The following DCLK2 variants were observed in gnomAD, a reference collection of about 807,000 sequenced individuals.
DCLK2 encodes serine/threonine-protein kinase DCLK2.
A neutral mutation model predicts 78.4 loss-of-function variants in DCLK2; 31 were observed. The observed-to-expected ratio is 0.40, with a 90% CI of 0.30 to 0.53. The LOEUF (loss-of-function observed/expected upper bound fraction) is 0.53. Among genes scored for constraint, DCLK2 ranks in the 20% least tolerant of loss-of-function variants. The pLI is 0.61. For synonymous variants in DCLK2, 407 were observed against 374.9 expected, an observed-to-expected ratio of 1.09 and a Z score of -0.99; for missense variants, 872 against 973.7, an observed-to-expected ratio of 0.90 and a Z score of 1.39.
chr4:150,225,109 T>A (rs1580751033), intron 8 of DCLK2, among the ~76,000 whole-genome samples: 1 of 152,188 alleles, frequency 6.6e-6, no homozygotes, highest in African/African-American at 2.4e-5. Context: ...CCCTCAGTCT[T>A]AGGAGGAGGT....
At chr4:150,172,040 A>G (rs1220351060) in intron 2 of DCLK2, among the ~76,000 whole-genome samples, 1 of 152,174 alleles carries the variant, frequency 6.6e-6, no homozygotes, top group Non-Finnish European at 1.5e-5. Context: ...AGAGATTGTC[A>G]GTTTGTTCAA....
chr4:150,173,803 A>G (rs7692551), intron 2 of DCLK2, among the ~76,000 whole-genome samples: 144,012 of 152,148 alleles, frequency 0.95, 68,255 homozygotes, highest in Middle Eastern at 0.99. Context: ...GTTGGGAGAG[A>G]AAAGAGAGCC....
chr4:150,143,487 A>T (rs955862917), intron 2 of DCLK2, among the ~76,000 whole-genome samples: 1 of 152,184 alleles, frequency 6.6e-6, no homozygotes, highest in Non-Finnish European at 1.5e-5. Flanking sequence ...CTACTTTAAT[A>T]AATAATTACA....
chr4:150,223,347 C>A (rs530801654), intron 7 of DCLK2, among the ~76,000 whole-genome samples: 1 of 152,338 alleles, frequency 6.6e-6, no homozygotes, highest in East Asian at 1.9e-4. Context: ...CTTGAGATAA[C>A]AAGTGTATTC....
intron 1 of DCLK2, among the ~76,000 whole-genome samples, chr4:150,098,698 C>CTTT (rs59616581): frequency 3.1e-5 from 4 of 129,100 alleles, no homozygotes; most frequent in Admixed American, 7.9e-5. Context: ...TTTTCTTTTT[C>CTTT]TTTTTTTTTT....
rs1277327064 is a variant in DCLK2 at position 150,114,480 on chromosome 4, G to T, written c.756+11668G>T. ...CACTTAGATACTTTTCTTCATCGTGGTATTTTTTTATAGGCCCTGTGAGTT... is the reference window on the plus strand; with the variant it reads ...CACTTAGATACTTTTCTTCATCGTGTTATTTTTTTATAGGCCCTGTGAGTT... On this transcript the variant is annotated intron_variant, in intron 2 of 15. Coordinates refer to ENST00000296550, the MANE Select transcript of DCLK2 (RefSeq NM_001040260.4). Among the ~76,000 whole-genome samples the T allele has an allele frequency of 2.0e-5, 3 of 152,202 alleles. No individual in the cohort carries two copies. In the East Asian group the frequency reaches 5.8e-4, roughly 29 times the overall value.
chr4:150,144,314 C>G (rs1199000064), intron 2 of DCLK2, among the ~76,000 whole-genome samples: 4 of 152,030 alleles, frequency 2.6e-5, no homozygotes, highest in African/African-American at 9.7e-5. Flanking sequence ...AGCCAATTTC[C>G]CCAGTACCAT....
intron 12 of DCLK2, among the ~76,000 whole-genome samples, chr4:150,244,415 G>A (rs1743151855): frequency 6.6e-6 from 1 of 152,188 alleles, no homozygotes; most frequent in South Asian, 2.1e-4. Context: ...CACACAAAAT[G>A]CTCCAAGTGG....
At chr4:150,167,538 C>T (rs1435530361) in intron 2 of DCLK2, among the ~76,000 whole-genome samples, 3 of 152,174 alleles carry the variant, frequency 2.0e-5, no homozygotes, top group African/African-American at 4.8e-5. Flanking sequence ...GAGAGGGGCT[C>T]ATTCAATGCA....
chr4:150,093,698 A>T (rs532709454), intron 1 of DCLK2, among the ~76,000 whole-genome samples: 62 of 152,318 alleles, frequency 4.1e-4, no homozygotes, highest in African/African-American at 1.4e-3. Flanking sequence ...TTTTTTACAG[A>T]AATAGAAAAA....
chr4:150,101,107 T>G (rs1378703708), intron 1 of DCLK2, among the ~76,000 whole-genome samples: 1 of 151,888 alleles, frequency 6.6e-6, no homozygotes, highest in Non-Finnish European at 1.5e-5. Context: ...CACAAAAATT[T>G]AGCCAGGCAT....
At chr4:150,203,616 T>TTG (rs1739615281) in intron 4 of DCLK2, among the ~76,000 whole-genome samples, 179 bp from the exon 5 acceptor site, 1 of 151,588 alleles carries the variant, frequency 6.6e-6, no homozygotes, top group Non-Finnish European at 1.5e-5. Context: ...TTTTTTTTTT[T>TTG]GTCTGTAATG....
At chr4:150,223,743 C>CAATAAATA (rs59076501) in intron 7 of DCLK2, among the ~76,000 whole-genome samples, 19,332 of 146,788 alleles carry the variant, frequency 0.13, 1,910 homozygotes, top group South Asian at 0.49. Flanking sequence ...GACTCTCTCT[C>CAATAAATA]AATAAATAAA....
At chr4:150,188,412 G>A (rs1738117596) in intron 2 of DCLK2, among the ~76,000 whole-genome samples, 2 of 152,168 alleles carry the variant, frequency 1.3e-5, no homozygotes, top group African/African-American at 4.8e-5. Context: ...AAGTTGCAGT[G>A]AGCCAAGATC....
chr4:150,231,962 G>A (rs972902084), intron 8 of DCLK2, among the ~76,000 whole-genome samples: 9 of 152,136 alleles, frequency 5.9e-5, no homozygotes, highest in African/African-American at 1.2e-4. Context: ...AGTGTATACC[G>A]AAATCAAAAA....
chr4:150,245,583 G>A (rs1743244450), intron 12 of DCLK2, among the ~76,000 whole-genome samples: 1 of 151,688 alleles, frequency 6.6e-6, no homozygotes, highest in Admixed American at 6.6e-5. Flanking sequence ...TGTTCTCATT[G>A]TTCAATTCCC....
At chr4:150,192,031 CTG>C (rs1165092500) in intron 2 of DCLK2, among the ~76,000 whole-genome samples, 2 of 152,040 alleles carry the variant, frequency 1.3e-5, no homozygotes, top group Admixed American at 6.6e-5. Flanking sequence ...CCATTGAAAA[CTG>C]GTGAAAATAA....
At chr4:150,157,412 T>G (rs1580614868) in intron 2 of DCLK2, among the ~76,000 whole-genome samples, 2 of 151,908 alleles carry the variant, frequency 1.3e-5, no homozygotes, top group South Asian at 4.2e-4. Flanking sequence ...CCCACCACCC[T>G]CTTCTCTGAG....
chr4:150,148,027 T>G (rs750073863), intron 2 of DCLK2, among the ~76,000 whole-genome samples: 21 of 152,292 alleles, frequency 1.4e-4, no homozygotes, highest in South Asian at 6.2e-4. Flanking sequence ...TAGTGATAGT[T>G]TATTGGTAAA....
Sources: gnomAD v4.1 joint callset for allele counts (sites outside exome capture counted in the v4.1 genomes callset) on GRCh38, gnomAD v4.1.1 for gene constraint, MANE v1.5 for transcripts, NCBI Gene and HGNC (gene_info 2026-07-23, HGNC 2026-07-21) for gene names.